WNK1: variants seen among roughly 807,000 people sequenced by gnomAD.
WNK1 encodes serine/threonine-protein kinase WNK1.
Under a neutral mutation model 222.8 loss-of-function variants are expected in WNK1, and 38 were observed. The observed-to-expected ratio is 0.17, with a 90% CI of 0.13 to 0.22. WNK1 has a LOEUF of 0.22. Ranked by LOEUF, WNK1 falls within the 10% of genes least tolerant of loss-of-function variation. The probability of loss-of-function intolerance (pLI) is 1.00; values close to 1 mark genes in which losing one functional copy is unlikely to be tolerated. For missense variants in WNK1, 2,348 were observed against 2,918.4 expected, an observed-to-expected ratio of 0.80 and a Z score of 4.50; for synonymous variants, 1,090 against 1,092.9, an observed-to-expected ratio of 1.00 and a Z score of 0.05.
At chr12:765,133 A>G (rs1372965572) in intron 1 of WNK1, among the ~76,000 whole-genome samples, 1 of 148,264 alleles carries the variant, frequency 6.7e-6, no homozygotes, top group Non-Finnish European at 1.5e-5. Context: ...TCCAGCCTTT[A>G]TGTGGCTATT....
chr12:766,543 A>G lies in WNK1; in HGVS notation c.759+12219A>G, dbSNP rs187582857. Among the ~76,000 whole-genome samples the G allele has an allele frequency of 9.7e-4, 147 of 151,736 alleles. 1 individual carries two copies. Among genetic ancestry groups the G allele is most frequent in the Middle Eastern group, 3.4e-3 (1 of 292 alleles). On this transcript the variant is annotated intron_variant, in intron 1 of 27. Transcript: ENST00000315939. Reference sequence around the variant, plus strand: ...ACCCAGGCTGGAGTGCAGTGGCATGATCTTGGCTCACTGCAACCTCCGCCT... The same window carrying G: ...ACCCAGGCTGGAGTGCAGTGGCATGGTCTTGGCTCACTGCAACCTCCGCCT...
chr12:757,521 G>C (rs1940303775), intron 1 of WNK1, among the ~76,000 whole-genome samples: 1 of 151,732 alleles, frequency 6.6e-6, no homozygotes, highest in African/African-American at 2.4e-5. Context: ...AGTAAATAAT[G>C]CCTAGGTAAT....
At chr12:874,804 T>C (rs1400270521) in intron 9 of WNK1, among the ~76,000 whole-genome samples, 1 of 152,152 alleles carries the variant, frequency 6.6e-6, no homozygotes, top group African/African-American at 2.4e-5. Flanking sequence ...TACCCAAACT[T>C]ACAGCTTATA....
intron 4 of WNK1, among the ~76,000 whole-genome samples, chr12:848,531 C>A (rs577537770): frequency 1.9e-5 from 2 of 108,062 alleles, no homozygotes; most frequent in Non-Finnish European, 3.5e-5. Flanking sequence ...GGTCAGAGAT[C>A]TTTGGCTGTT....
At chr12:833,562 G>A (rs1305597505) in intron 4 of WNK1, among the ~76,000 whole-genome samples, 1 of 151,494 alleles carries the variant, frequency 6.6e-6, no homozygotes, top group Non-Finnish European at 1.5e-5. Flanking sequence ...TATACTTAAC[G>A]GTCTTCCTCC....
At position 879,954 on chromosome 12, in the gene WNK1, G is replaced by A. The variant is rs1315446049; in HGVS notation, c.2755G>A (p.Val919Ile). The A allele has an allele frequency of 6.2e-7, 1 of 1,614,160 alleles. No individual in the cohort carries two copies. The highest frequency in any genetic ancestry group is 1.7e-5 in the Admixed American group (1 of 60,018). The change falls in exon 11 of 28, where the codon GTT becomes ATT. Residue 919 changes from valine to isoleucine, a missense_variant. This residue lies in a region of WNK1 where 547 missense variants were observed against 558.3 expected (regional missense o/e 0.98). Coordinates refer to ENST00000315939, the MANE Select transcript of WNK1 (RefSeq NM_018979.4). Reference sequence around the variant, plus strand: ...TCACCCACAGCTCCTACAACCAGCAGTTCAGTCCATGGGAATACCAGCTAA... The same window carrying A: ...TCACCCACAGCTCCTACAACCAGCAATTCAGTCCATGGGAATACCAGCTAA... Reference protein sequence around the residue: ...QVHPQLLQPAVQSMGIPANLG... With the variant: ...QVHPQLLQPAIQSMGIPANLG...
At chr12:901,023 T>C in intron 26 of WNK1, 1 of 358,438 alleles carries the variant, frequency 2.8e-6, no homozygotes, top group Non-Finnish European at 5.4e-6. Flanking sequence ...ATACATTTTC[T>C]TAGCCATTGT....
intron 1 of WNK1, among the ~76,000 whole-genome samples, chr12:786,958 G>C (rs988905931): frequency 6.6e-6 from 1 of 151,764 alleles, no homozygotes; most frequent in African/African-American, 2.4e-5. Flanking sequence ...GGTATGTTTG[G>C]AGTTGGTCTT....
intron 4 of WNK1, 57 bp downstream of exon 4, chr12:830,217 A>C: frequency 6.3e-7 from 1 of 1,584,326 alleles, no homozygotes; most frequent in Non-Finnish European, 8.7e-7. Flanking sequence ...AAGAATCCCA[A>C]GGTGGATGAC....
rs773820492 is a variant in WNK1 at position 885,702 on chromosome 12, C to G, written c.4898C>G (p.Thr1633Ser). Residue 1633 changes from threonine to serine, a missense_variant, in exon 19 of 28, where the codon ACT becomes AGT. Around this residue, in one of 13 missense-constraint regions of WNK1, gnomAD observed 1,144 missense variants for 1,273.6 expected, o/e 0.90. Coordinates refer to ENST00000315939, the MANE Select transcript of WNK1 (RefSeq NM_018979.4). ...GCTTTGCTTCCCAACCAGCCCCATA[C>G]TCATTGTCCTGAAGTAGATTCTGAT... is the stretch of plus-strand genomic sequence containing the variant. ...QPALLPNQPHTHCPEVDSDTQ... is the reference protein window; with the variant it reads ...QPALLPNQPHSHCPEVDSDTQ... 2 of 1,614,200 alleles carry G rather than the reference C, an allele frequency of 1.2e-6. No homozygotes were observed. The highest frequency in any genetic ancestry group is 1.7e-6 in the Non-Finnish European group (2 of 1,180,034).
At chr12:832,789 A>T (rs1948895105) in intron 4 of WNK1, among the ~76,000 whole-genome samples, 1 of 152,234 alleles carries the variant, frequency 6.6e-6, no homozygotes, top group Non-Finnish European at 1.5e-5. Context: ...TACACAATAT[A>T]ATTGTAATCC....
intron 20 of WNK1, among the ~76,000 whole-genome samples, chr12:887,539 T>A (rs916372087): frequency 7.9e-5 from 12 of 152,242 alleles, no homozygotes; most frequent in Admixed American, 5.2e-4. Flanking sequence ...AATTTTTTTT[T>A]TATATCTTAT....
In WNK1 at chr12:827,006, A is replaced by G. The variant is rs373794098; in HGVS notation, c.933-36A>G. 5 of 1,554,146 alleles carry G rather than the reference A, an allele frequency of 3.2e-6. No individual in the cohort carries two copies. The highest frequency in any genetic ancestry group is 4.4e-6 in the Non-Finnish European group (5 of 1,127,910). On this transcript the variant is annotated intron_variant, in intron 2 of 27. Coordinates refer to ENST00000315939, the MANE Select transcript of WNK1 (RefSeq NM_018979.4). The surrounding 1 kb of genome is among the most constrained non-coding windows in gnomAD (Gnocchi z 4.6). ...TTCTTCAAAGCAACAAACTCCTATC[A>G]TTGATAACTTGTTTGGTATACTTTG...
chr12:783,279 A>G (rs1334497639), intron 1 of WNK1, among the ~76,000 whole-genome samples: 1 of 152,186 alleles, frequency 6.6e-6, no homozygotes, highest in Non-Finnish European at 1.5e-5. Flanking sequence ...TTTCTATTAC[A>G]TCTTCAAAAT....
chr12:838,031 T>G (rs1451163705), intron 4 of WNK1, among the ~76,000 whole-genome samples: 1 of 148,746 alleles, frequency 6.7e-6, no homozygotes, highest in African/African-American at 2.5e-5. Context: ...GTCCATGTTG[T>G]AGCAAATGTT....
At chr12:871,759 C>T (rs11613704) in intron 9 of WNK1, among the ~76,000 whole-genome samples, 3 of 151,882 alleles carry the variant, frequency 2.0e-5, no homozygotes, top group African/African-American at 7.3e-5. Context: ...CCTGCCACCA[C>T]ACTCAGCTAA....
chr12:800,952 A>G (rs916582526), intron 1 of WNK1, among the ~76,000 whole-genome samples: 6 of 152,078 alleles, frequency 3.9e-5, no homozygotes, highest in African/African-American at 9.7e-5. Context: ...TAAAAATCTC[A>G]TGTCTCATTT....
At chr12:833,282 A>AT (rs1948944532) in intron 4 of WNK1, among the ~76,000 whole-genome samples, 3 of 152,120 alleles carry the variant, frequency 2.0e-5, no homozygotes, top group Admixed American at 2.0e-4. Context: ...TTGTGAATTT[A>AT]TTTTTTTATT....
At chr12:805,958 T>C (rs896007750) in intron 1 of WNK1, among the ~76,000 whole-genome samples, 2 of 152,138 alleles carry the variant, frequency 1.3e-5, no homozygotes, top group Non-Finnish European at 2.9e-5. Flanking sequence ...TCTGATAATA[T>C]CGATAGTCCA....
Sources: gnomAD v4.1 joint callset for allele counts (sites outside exome capture counted in the v4.1 genomes callset) on GRCh38, gnomAD v4.1.1 for gene constraint, gnomAD v4.1.1 regional missense constraint, Gnocchi (gnomAD v3.1) non-coding constraint, MANE v1.5 for transcripts, NCBI Gene and HGNC (gene_info 2026-07-23, HGNC 2026-07-21) for gene names.